The following EPC2 variants were observed in gnomAD, a reference collection of about 807,000 sequenced individuals.
EPC2 encodes enhancer of polycomb 2.
EPC2 carries 14 observed loss-of-function variants against 92.1 expected under a neutral mutation model. The ratio of observed to expected loss-of-function variants is 0.15; its 90% CI spans 0.10 to 0.24. The LOEUF (loss-of-function observed/expected upper bound fraction) is 0.24. Among genes scored for constraint, EPC2 ranks in the 10% least tolerant of loss-of-function variants. EPC2 has a pLI of 1.00. For synonymous variants in EPC2, 340 were observed against 334.7 expected (o/e 1.02, Z -0.17); for missense variants, 755 against 971.5 (o/e 0.78, Z 2.96).
chr2:148,701,564 A>G (rs1014960137), intron 2 of EPC2, among the ~76,000 whole-genome samples: 2 of 152,174 alleles, frequency 1.3e-5, no homozygotes, highest in Non-Finnish European at 2.9e-5. Context: ...TAATTGATTT[A>G]GCATGCTGAA....
At chr2:148,779,803 A>C (rs1558838857) in intron 10 of EPC2, among the ~76,000 whole-genome samples, 1 of 152,188 alleles carries the variant, frequency 6.6e-6, no homozygotes, top group Non-Finnish European at 1.5e-5. Context: ...CATAAAGCTC[A>C]ACTCTGGACA....
At chr2:148,684,963 C>G (rs961479109) in intron 1 of EPC2, among the ~76,000 whole-genome samples, 2 of 152,120 alleles carry the variant, frequency 1.3e-5, no homozygotes, top group Admixed American at 1.3e-4. Flanking sequence ...ATTTTTTAAA[C>G]TTGTGTTTTT....
In EPC2 at chr2:148,771,098, C is replaced by A. The variant is rs1210460792; in HGVS notation, c.1431C>A (p.Asp477Glu). Residue 477 changes from aspartate (D) to glutamate (E), a missense_variant, in exon 10 of 14, where the codon GAC becomes GAA. By Grantham distance (45) the Asp-to-Glu change is conservative. Transcript: ENST00000258484. ...ATGACCCAGTCCTGAAACAGATAGA[C>A]CCTGAAATGCTGAATAGTTTTTCAA... ...TEHDPVLKQIDPEMLNSFSSS... is the reference protein window; with the variant it reads ...TEHDPVLKQIEPEMLNSFSSS... The A allele has an allele frequency of 2.5e-6, 4 of 1,613,164 alleles. No individual in the cohort carries two copies. The highest frequency in any genetic ancestry group is 3.4e-6 in the Non-Finnish European group (4 of 1,179,422).
At chr2:148,681,334 TAGG>T in intron 1 of EPC2, among the ~76,000 whole-genome samples, 1 of 152,082 alleles carries the variant, frequency 6.6e-6, no homozygotes, top group East Asian at 1.9e-4. Context: ...AGGGTTTATT[TAGG>T]AGAAGTAGGG....
At chr2:148,677,692 C>T (rs1289026358) in intron 1 of EPC2, among the ~76,000 whole-genome samples, 1 of 152,158 alleles carries the variant, frequency 6.6e-6, no homozygotes, top group East Asian at 1.9e-4. Context: ...GAGTTTGTTC[C>T]TTCTGATGTT....
intron 3 of EPC2, among the ~76,000 whole-genome samples, chr2:148,749,814 C>T (rs959883149): frequency 6.6e-6 from 1 of 151,894 alleles, no homozygotes; most frequent in African/African-American, 2.4e-5. Flanking sequence ...TGTGTGTGTA[C>T]ATGTATTTTA....
chr2:148,680,859 A>G (rs1681380293), intron 1 of EPC2, among the ~76,000 whole-genome samples: 1 of 152,234 alleles, frequency 6.6e-6, no homozygotes. Context: ...ACCAGTATAT[A>G]AAGAAACAAA....
At chr2:148,782,891 T>C (rs923679427) in intron 11 of EPC2, among the ~76,000 whole-genome samples, 1 of 152,240 alleles carries the variant, frequency 6.6e-6, no homozygotes, top group African/African-American at 2.4e-5. Context: ...AAGTAATAAC[T>C]GAGGTTTACT....
chr2:148,698,159 T>G (rs1225132087), intron 2 of EPC2, among the ~76,000 whole-genome samples: 1 of 152,202 alleles, frequency 6.6e-6, no homozygotes. Flanking sequence ...ATGTTGCTTT[T>G]TAAATGAGAT....
At chr2:148,755,924 A>T (rs1683181633) in intron 4 of EPC2, among the ~76,000 whole-genome samples, 1 of 152,224 alleles carries the variant, frequency 6.6e-6, no homozygotes, top group Admixed American at 6.5e-5. Flanking sequence ...TAAGCAATGC[A>T]TGACTGTAAT....
chr2:148,658,607 G>GTATATATATATATATATATA (rs3076616), intron 1 of EPC2, among the ~76,000 whole-genome samples: 36 of 141,288 alleles, frequency 2.5e-4, no homozygotes, highest in African/African-American at 5.5e-4. Context: ...GTGTGTGTGT[G>GTATATATATATATATATATA]TATATATATA....
chr2:148,769,297 A>C (rs572523500), intron 8 of EPC2, 57 bp downstream of exon 8: 1 of 1,210,330 alleles, frequency 8.3e-7, no homozygotes, highest in African/African-American at 1.5e-5. Context: ...CAGGTAACCC[A>C]TGTCAAGATG....
At chr2:148,776,876 T>TTTTTTTTTTTTTTC (rs1683656855) in intron 10 of EPC2, among the ~76,000 whole-genome samples, 2 of 104,024 alleles carry the variant, frequency 1.9e-5, no homozygotes, top group South Asian at 6.0e-4. Flanking sequence ...TTTTTTTTTT[T>TTTTTTTTTTTTTTC]TTGAGACAGA....
intron 1 of EPC2, among the ~76,000 whole-genome samples, chr2:148,682,888 T>A (rs1681433012): frequency 6.6e-6 from 1 of 152,144 alleles, no homozygotes; most frequent in South Asian, 2.1e-4. Flanking sequence ...CCCATTCTTT[T>A]CTCTACCCTC....
intron 1 of EPC2, among the ~76,000 whole-genome samples, chr2:148,662,363 G>C (rs1680954874): frequency 6.6e-6 from 1 of 152,138 alleles, no homozygotes; most frequent in Non-Finnish European, 1.5e-5. Context: ...AAGACACATG[G>C]AGATGTATGT....
chr2:148,694,933 C>A (rs556613908), intron 2 of EPC2, among the ~76,000 whole-genome samples: 1 of 152,018 alleles, frequency 6.6e-6, no homozygotes, highest in Non-Finnish European at 1.5e-5. Flanking sequence ...CCACCACGCC[C>A]GGCTAATTTT....
At chr2:148,746,236 C>T (rs902454439) in intron 3 of EPC2, among the ~76,000 whole-genome samples, 1 of 151,988 alleles carries the variant, frequency 6.6e-6, no homozygotes, top group Admixed American at 6.6e-5. Flanking sequence ...CTTTCTCAAA[C>T]TCCAGGATTT....
intron 2 of EPC2, chr2:148,692,791 CAT>C (rs1180149702): frequency 5.3e-5 from 8 of 152,140 alleles, no homozygotes; most frequent in Non-Finnish European, 7.4e-5. Flanking sequence ...GGGTGTAACT[CAT>C]GTGGGTCAGG....
Position 148,786,586 on chromosome 2 carries a change from ATTAT to A in EPC2, c.*212_*215del. 2 of 427,376 alleles carry A rather than the reference ATTAT, an allele frequency of 4.7e-6. No individual in the cohort carries two copies. Among genetic ancestry groups the A allele is most frequent in the Admixed American group, 8.2e-5 (2 of 24,378 alleles). 26.5% of individuals were successfully genotyped at this position (427,376 alleles called of 1,614,324 possible). A position where few individuals can be genotyped will look rare whatever the true frequency, so the allele number is the denominator to read the frequency against. On this transcript the variant is annotated 3_prime_UTR_variant, in exon 14 of 14. Transcript: ENST00000258484. ...AAAATAGTTTATTTGTATCATCAAT[ATTAT>A]TTCTGTTACTTGAATAGTAGATATT...
Sources: gnomAD v4.1 joint callset for allele counts (sites outside exome capture counted in the v4.1 genomes callset) on GRCh38, gnomAD v4.1.1 for gene constraint, MANE v1.5 for transcripts, NCBI Gene and HGNC (gene_info 2026-07-23, HGNC 2026-07-21) for gene names.